The following CPA6 variants were observed in gnomAD, a reference collection of about 807,000 sequenced individuals.
CPA6 encodes carboxypeptidase B.
In CPA6, 58 loss-of-function variants were observed where a neutral mutation model predicts 63.3. That is an observed-to-expected ratio of 0.92 (90% CI 0.74 to 1.14). The LOEUF (loss-of-function observed/expected upper bound fraction) is 1.14. Ranked by LOEUF, CPA6 falls within the 50% of genes most tolerant of loss-of-function variation. The pLI, the probability that CPA6 is intolerant of heterozygous loss-of-function variation, is 0.00. For synonymous variants in CPA6, 185 were observed against 179.0 expected, an observed-to-expected ratio of 1.03 and a Z score of -0.27; for missense variants, 565 against 526.6, an observed-to-expected ratio of 1.07 and a Z score of -0.71.
intron 1 of CPA6, among the ~76,000 whole-genome samples, chr8:67,672,427 AC>A (rs911528270): frequency 1.3e-5 from 2 of 151,716 alleles, no homozygotes; most frequent in Middle Eastern, 3.2e-3. Context: ...CCCTTGTTTC[AC>A]TAAAAGGCAC....
intron 2 of CPA6, among the ~76,000 whole-genome samples, chr8:67,542,672 C>T (rs917198024): frequency 5.3e-5 from 8 of 152,148 alleles, no homozygotes; most frequent in African/African-American, 1.9e-4. Context: ...ATACATGATC[C>T]ACCCAGCACA....
chr8:67,727,906 G>A (rs753760242), intron 1 of CPA6, among the ~76,000 whole-genome samples: 5 of 151,660 alleles, frequency 3.3e-5, no homozygotes, highest in Non-Finnish European at 5.9e-5. Flanking sequence ...GTGAAACCTC[G>A]TCTCTACTGA....
At chr8:67,473,483 G>T (rs547459217) in intron 8 of CPA6, among the ~76,000 whole-genome samples, 2 of 152,192 alleles carry the variant, frequency 1.3e-5, no homozygotes, top group African/African-American at 4.8e-5. Context: ...GCTTATGAAA[G>T]AATTCTTGGT....
chr8:67,711,141 T>C (rs1817252276), intron 1 of CPA6, among the ~76,000 whole-genome samples: 1 of 152,168 alleles, frequency 6.6e-6, no homozygotes, highest in Non-Finnish European at 1.5e-5. Context: ...GTTTAGGACT[T>C]GAACTGTAAC....
intron 2 of CPA6, among the ~76,000 whole-genome samples, chr8:67,580,651 A>G (rs1415559746): frequency 6.6e-6 from 1 of 152,164 alleles, no homozygotes; most frequent in Admixed American, 6.5e-5. Flanking sequence ...TGCATGTGTG[A>G]GCGTCTATTG....
intron 2 of CPA6, among the ~76,000 whole-genome samples, chr8:67,606,546 A>G (rs1467111649): frequency 1.3e-5 from 2 of 152,090 alleles, no homozygotes; most frequent in African/African-American, 4.8e-5. Context: ...CCTCCCTTTT[A>G]CCATTTATGG....
intron 1 of CPA6, among the ~76,000 whole-genome samples, chr8:67,658,139 T>TA (rs1168787239): frequency 6.6e-6 from 1 of 152,246 alleles, no homozygotes; most frequent in East Asian, 1.9e-4. Context: ...GAAGAATTCC[T>TA]ATTCATCTTA....
In CPA6 at chr8:67,530,952, G is replaced by A. The variant is rs1204665619; in HGVS notation, c.193-12905C>T. On this transcript the variant is annotated intron_variant, in intron 2 of 10. Transcript: ENST00000297770. ...CTAACCTTGCAAAAGAAGAGTTTGT[G>A]ATAAAAAATTACAAAACACATGAGC... 2.6e-5 allele frequency among the ~76,000 whole-genome samples: 4 copies of A among 152,216 alleles called. No homozygotes were observed. The East Asian group carries it at 5.8e-4, about 22-fold the overall frequency.
At chr8:67,471,586 G>A (rs2128959086) in intron 8 of CPA6, among the ~76,000 whole-genome samples, 1 of 151,954 alleles carries the variant, frequency 6.6e-6, no homozygotes, top group South Asian at 2.1e-4. Context: ...TGTGGAGTTT[G>A]GGAAATGCTG....
chr8:67,552,731 G>C (rs7814387), intron 2 of CPA6, among the ~76,000 whole-genome samples: 73,100 of 143,532 alleles, frequency 0.51, 19,405 homozygotes, highest in Non-Finnish European at 0.59. Flanking sequence ...GAACCAAGAT[G>C]GTGCCACTGC....
chr8:67,434,885 C>T (rs1294593939), intron 8 of CPA6, among the ~76,000 whole-genome samples: 1 of 152,230 alleles, frequency 6.6e-6, no homozygotes, highest in Admixed American at 6.5e-5. Context: ...CCTGACCCCC[C>T]AAGTGGAGGG....
chr8:67,552,338 A>G (rs572178682), intron 2 of CPA6, among the ~76,000 whole-genome samples: 1 of 152,370 alleles, frequency 6.6e-6, no homozygotes, highest in Admixed American at 6.5e-5. Flanking sequence ...GGGTCTCAGA[A>G]ATCATGGGGA....
At chr8:67,603,958 A>G (rs1814561985) in intron 2 of CPA6, among the ~76,000 whole-genome samples, 1 of 152,228 alleles carries the variant, frequency 6.6e-6, no homozygotes, top group Admixed American at 6.5e-5. Context: ...TGAGGCATGA[A>G]AGGCAGAATT....
intron 2 of CPA6, among the ~76,000 whole-genome samples, chr8:67,524,613 C>CAGT (rs1554670781): frequency 6.7e-6 from 1 of 149,822 alleles, no homozygotes; most frequent in Non-Finnish European, 1.5e-5. Context: ...TTTGAAAAAA[C>CAGT]TTTTTTTGTT....
At position 67,564,667 on chromosome 8, in the gene CPA6, G is replaced by A. The variant is rs74940568; in HGVS notation, c.193-46620C>T. On this transcript the variant is annotated intron_variant, in intron 2 of 10. Coordinates refer to ENST00000297770, the MANE Select transcript of CPA6 (RefSeq NM_020361.5). ...GAAGAGAAAAATGTCTATGTTTCCA[G>A]CCACTATTTCTGCCTAAAGTGAATT... 5.0e-3 allele frequency among the ~76,000 whole-genome samples: 763 copies of A among 152,188 alleles called. 7 individuals carry two copies. Among genetic ancestry groups the A allele is most frequent in the African/African-American group, 0.017 (724 of 41,536 alleles).
chr8:67,579,305 T>C (rs2128977990), intron 2 of CPA6, among the ~76,000 whole-genome samples: 1 of 151,940 alleles, frequency 6.6e-6, no homozygotes, highest in Non-Finnish European at 1.5e-5. Flanking sequence ...CCCAGCTGCT[T>C]GGGAGGCTGA....
chr8:67,695,186 C>A (rs1210190927), intron 1 of CPA6, among the ~76,000 whole-genome samples: 1 of 152,158 alleles, frequency 6.6e-6, no homozygotes, highest in Non-Finnish European at 1.5e-5. Flanking sequence ...CCTAGCCACT[C>A]CTATTATCAT....
intron 2 of CPA6, among the ~76,000 whole-genome samples, chr8:67,608,715 G>T (rs1814729663): frequency 1.3e-5 from 2 of 152,166 alleles, no homozygotes; most frequent in South Asian, 4.1e-4. Flanking sequence ...GCTGCCATGG[G>T]GCCGGAGCCC....
At chr8:67,499,123 T>A (rs908839965) in intron 6 of CPA6, among the ~76,000 whole-genome samples, 1 of 152,240 alleles carries the variant, frequency 6.6e-6, no homozygotes, top group African/African-American at 2.4e-5. Flanking sequence ...CTGAGCTTTG[T>A]GTTTTCAAAA....
Sources: allele counts gnomAD v4.1 joint callset (sites outside exome capture counted in the v4.1 genomes callset), GRCh38; gene constraint gnomAD v4.1.1; transcripts MANE v1.5; gene names NCBI Gene and HGNC (gene_info 2026-07-23, HGNC 2026-07-21).